HPSE2: variants seen among roughly 807,000 people sequenced by gnomAD.
HPSE2 encodes the protein heparanase 2 (inactive).
HPSE2 carries 38 observed loss-of-function variants against 60.5 expected under a neutral mutation model. The ratio of observed to expected loss-of-function variants is 0.63; its 90% CI spans 0.48 to 0.82. The LOEUF (loss-of-function observed/expected upper bound fraction) is 0.82. Ranked by LOEUF, HPSE2 falls within the 40% of genes least tolerant of loss-of-function variation. The pLI is 0.00. For synonymous variants in HPSE2, 295 were observed against 293.2 expected, an observed-to-expected ratio of 1.01 and a Z score of -0.06; for missense variants, 713 against 740.4, an observed-to-expected ratio of 0.96 and a Z score of 0.43.
At chr10:99,096,897 C>G (rs763426851) in intron 3 of HPSE2, among the ~76,000 whole-genome samples, 12 of 152,196 alleles carry the variant, frequency 7.9e-5, no homozygotes, top group Non-Finnish European at 1.3e-4. Context: ...GCTATCCACA[C>G]TGCATGGCAG....
chr10:98,865,197 T>G (rs1952559032), intron 3 of HPSE2, among the ~76,000 whole-genome samples: 1 of 152,100 alleles, frequency 6.6e-6, no homozygotes, highest in Admixed American at 6.6e-5. Context: ...AGGAATTTAA[T>G]CTAGGTGCCA....
chr10:99,146,784 G>A (rs368802827), intron 2 of HPSE2, among the ~76,000 whole-genome samples: 6 of 152,106 alleles, frequency 3.9e-5, no homozygotes, highest in East Asian at 1.9e-4. Flanking sequence ...TTACTTGAAC[G>A]CAGGAAGCGG....
At chr10:99,039,174 T>C (rs1183907657) in intron 3 of HPSE2, among the ~76,000 whole-genome samples, 1 of 152,158 alleles carries the variant, frequency 6.6e-6, no homozygotes, top group Non-Finnish European at 1.5e-5. Context: ...TCTTTTACAA[T>C]AGTGTGAAGC....
chr10:99,164,126 T>C (rs1846959110), intron 2 of HPSE2, among the ~76,000 whole-genome samples: 1 of 150,508 alleles, frequency 6.6e-6, no homozygotes, highest in Non-Finnish European at 1.5e-5. Context: ...ATTACTCTGG[T>C]GTTCCAATTC....
intron 4 of HPSE2, among the ~76,000 whole-genome samples, chr10:98,742,344 C>G (rs920750519): frequency 3.9e-5 from 6 of 152,102 alleles, no homozygotes; most frequent in Admixed American, 1.3e-4. Context: ...CCCTTGCCAT[C>G]TTATTTTGAG....
chr10:99,255,446 C>A, the HPSE2 span, among the ~76,000 whole-genome samples: 2 of 152,046 alleles, frequency 1.3e-5, no homozygotes, highest in South Asian at 4.1e-4. Flanking sequence ...AATAAGGATA[C>A]TACATCACAA....
At chr10:98,698,607 A>T (rs1948303530) in intron 5 of HPSE2, among the ~76,000 whole-genome samples, 1 of 152,140 alleles carries the variant, frequency 6.6e-6, no homozygotes, top group African/African-American at 2.4e-5. Context: ...AAACACATTC[A>T]AAAGCTAGCA....
intron 3 of HPSE2, among the ~76,000 whole-genome samples, chr10:99,068,281 C>G (rs904089897): frequency 1.3e-5 from 2 of 152,168 alleles, no homozygotes; most frequent in Non-Finnish European, 2.9e-5. Context: ...CCCCACTACT[C>G]GGTACCAATT....
chr10:99,175,454 C>T (rs1047726005), intron 2 of HPSE2, among the ~76,000 whole-genome samples: 3 of 152,206 alleles, frequency 2.0e-5, no homozygotes, highest in Admixed American at 6.5e-5. Context: ...TCCACCACTA[C>T]TGAGGCTTGA....
the HPSE2 span, among the ~76,000 whole-genome samples, chr10:99,313,854 C>G: frequency 1.3e-5 from 2 of 151,888 alleles, no homozygotes; most frequent in Non-Finnish European, 2.9e-5. Flanking sequence ...CCGGCCTCGA[C>G]CTCCCAAAGT....
At chr10:99,244,670 C>T in the HPSE2 span, among the ~76,000 whole-genome samples, 1 of 150,386 alleles carries the variant, frequency 6.6e-6, no homozygotes, top group South Asian at 2.1e-4. Flanking sequence ...CTTAGCCTCC[C>T]AAATGCTGTG....
intron 2 of HPSE2, among the ~76,000 whole-genome samples, chr10:99,228,728 C>A (rs922099776): frequency 6.6e-6 from 1 of 152,110 alleles, no homozygotes; most frequent in African/African-American, 2.4e-5. Context: ...AAGGAGTAAC[C>A]AGTGAAGCTC....
chr10:98,878,064 A>AT (rs1564628176), intron 3 of HPSE2, among the ~76,000 whole-genome samples: 1 of 151,950 alleles, frequency 6.6e-6, no homozygotes, highest in East Asian at 1.9e-4. Flanking sequence ...CTGAGATAGA[A>AT]TTACAAGAAA....
intron 9 of HPSE2, among the ~76,000 whole-genome samples, chr10:98,613,912 C>A (rs767583790): frequency 6.6e-6 from 1 of 152,166 alleles, no homozygotes; most frequent in Non-Finnish European, 1.5e-5. Context: ...TTCTGATAAG[C>A]GTAGCTTTTC....
chr10:98,488,922 C>T (rs889207865), intron 10 of HPSE2, among the ~76,000 whole-genome samples: 1 of 152,186 alleles, frequency 6.6e-6, no homozygotes, highest in African/African-American at 2.4e-5. Flanking sequence ...TGCCCCCCCT[C>T]TCCTCAGAGT....
chr10:98,557,812 G>A (rs1944055405), intron 9 of HPSE2, among the ~76,000 whole-genome samples: 1 of 152,102 alleles, frequency 6.6e-6, no homozygotes, highest in South Asian at 2.1e-4. Context: ...AGGTGGGCAT[G>A]GTGGCATGTT....
At chr10:98,590,033 G>C (rs749120857) in intron 9 of HPSE2, among the ~76,000 whole-genome samples, 9 of 152,228 alleles carry the variant, frequency 5.9e-5, no homozygotes, top group Non-Finnish European at 1.3e-4. Context: ...AAAGTCAGCT[G>C]TTGGGTCCAA....
At chr10:98,910,115 T>C (rs1206608392) in intron 3 of HPSE2, among the ~76,000 whole-genome samples, 19 of 152,344 alleles carry the variant, frequency 1.2e-4, no homozygotes, top group Non-Finnish European at 1.2e-4. Flanking sequence ...AGCAGTATCA[T>C]TGATGCAATG....
At chr10:98,985,186 T>C (rs1956310972) in intron 3 of HPSE2, among the ~76,000 whole-genome samples, 1 of 152,072 alleles carries the variant, frequency 6.6e-6, no homozygotes, top group South Asian at 2.1e-4. Flanking sequence ...AGACACATCA[T>C]TGTCAGATTC....
Sources: allele counts gnomAD v4.1 joint callset (sites outside exome capture counted in the v4.1 genomes callset), GRCh38; gene constraint gnomAD v4.1.1; transcripts MANE v1.5; gene names NCBI Gene and HGNC (gene_info 2026-07-23, HGNC 2026-07-21).